Variants in CTTNBP2 observed in about 807,000 individuals in gnomAD.
The protein encoded by CTTNBP2 is cortactin-binding protein 2.
Under a neutral mutation model 156.9 loss-of-function variants are expected in CTTNBP2, and 108 were observed. The observed-to-expected ratio is 0.69, with a 90% CI of 0.59 to 0.81. The LOEUF is 0.81. Among genes scored for constraint, CTTNBP2 ranks in the 30% least tolerant of loss-of-function variants. CTTNBP2 has a pLI of 0.00. For synonymous variants in CTTNBP2, 767 were observed against 751.8 expected (o/e 1.02, Z -0.33); for missense variants, 1,924 against 2,035.4 (o/e 0.95, Z 1.05).
Position 117,791,604 on chromosome 7 carries a change from G to A in CTTNBP2, c.1592C>T (p.Thr531Ile), listed in dbSNP as rs560866248. Reference protein sequence around the residue: ...HPPVGRTSLKTHGVARVDRGN... With the variant: ...HPPVGRTSLKIHGVARVDRGN... ...TCTGTCAACTCGTGCTACACCATGA[G>A]TCTTTAAACTGGTCCGACCAACTGG... The change falls in exon 4 of 23, where the codon ACT (threonine) becomes ATT (isoleucine). Residue 531 changes from threonine (T) to isoleucine (I), a missense_variant. Transcript: ENST00000160373. 2.5e-5 allele frequency: 41 copies of A among 1,614,166 alleles called. No homozygotes were observed. In the South Asian group the frequency reaches 4.4e-4, roughly 17 times the overall value.
intron 3 of CTTNBP2, among the ~76,000 whole-genome samples, chr7:117,797,345 T>C (rs1799373176): frequency 2.6e-5 from 4 of 152,186 alleles, no homozygotes; most frequent in Admixed American, 2.0e-4. Context: ...TAGAACAAAG[T>C]ACAGCTCTTC....
At chr7:117,835,202 T>C (rs1483927600) in intron 2 of CTTNBP2, among the ~76,000 whole-genome samples, 2 of 152,216 alleles carry the variant, frequency 1.3e-5, no homozygotes, top group African/African-American at 4.8e-5. Flanking sequence ...GGAATGAGTC[T>C]CTCTCTGAGC....
intron 2 of CTTNBP2, among the ~76,000 whole-genome samples, chr7:117,811,447 C>T (rs1422059717): frequency 1.3e-5 from 2 of 152,044 alleles, no homozygotes; most frequent in Non-Finnish European, 2.9e-5. Context: ...ACTATAGGTG[C>T]ATGCCACCAC....
chr7:117,761,080 T>A (rs1797188718), intron 9 of CTTNBP2, among the ~76,000 whole-genome samples: 1 of 152,188 alleles, frequency 6.6e-6, no homozygotes, highest in African/African-American at 2.4e-5. Flanking sequence ...ATGTCATGGA[T>A]GAGGCAGGTT....
chr7:117,816,647 C>G (rs1584480340), intron 2 of CTTNBP2, among the ~76,000 whole-genome samples: 1 of 152,154 alleles, frequency 6.6e-6, no homozygotes, highest in East Asian at 1.9e-4. Flanking sequence ...TTCAGTTTAC[C>G]TGCTTTTCAA....
chr7:117,720,369 A>G (rs1022005436), intron 20 of CTTNBP2, among the ~76,000 whole-genome samples: 1 of 152,212 alleles, frequency 6.6e-6, no homozygotes, highest in African/African-American at 2.4e-5. Flanking sequence ...GTAAGCTGAA[A>G]TAGTCTATTT....
intron 22 of CTTNBP2, among the ~76,000 whole-genome samples, chr7:117,712,600 T>C (rs767441434): frequency 2.6e-5 from 4 of 152,176 alleles, no homozygotes; most frequent in African/African-American, 4.8e-5. Context: ...TCTTCAAAAG[T>C]AATAATGCAC....
intron 4 of CTTNBP2, among the ~76,000 whole-genome samples, chr7:117,785,711 T>G (rs2116826262): frequency 6.6e-6 from 1 of 152,338 alleles, no homozygotes; most frequent in Middle Eastern, 3.4e-3. Context: ...ACCATTTGGA[T>G]TTTTAAAATG....
At chr7:117,802,536 T>C (rs919259392) in intron 3 of CTTNBP2, among the ~76,000 whole-genome samples, 6 of 150,634 alleles carry the variant, frequency 4.0e-5, no homozygotes, top group Non-Finnish European at 8.9e-5. Context: ...ATACAAATTG[T>C]TAAATGGGAC....
intron 5 of CTTNBP2, 40 bp downstream of exon 5, chr7:117,784,210 TC>T (rs1434198745): frequency 2.8e-6 from 4 of 1,450,836 alleles, no homozygotes; most frequent in Non-Finnish European, 3.7e-6. Flanking sequence ...TGACTTTCCA[TC>T]CTTTTGCAAG....
intron 9 of CTTNBP2, among the ~76,000 whole-genome samples, chr7:117,766,113 CAG>C (rs1797471088): frequency 6.6e-6 from 1 of 152,206 alleles, no homozygotes; most frequent in East Asian, 1.9e-4. Context: ...TTTAGCTCAA[CAG>C]AAAGTGTTCC....
chr7:117,713,510 G>C (rs952381104), intron 22 of CTTNBP2, among the ~76,000 whole-genome samples: 1 of 152,120 alleles, frequency 6.6e-6, no homozygotes, highest in African/African-American at 2.4e-5. Context: ...GTTATCTTTA[G>C]CAGCTGCCTT....
At chr7:117,835,383 A>C (rs1310411723) in intron 2 of CTTNBP2, among the ~76,000 whole-genome samples, 1 of 152,256 alleles carries the variant, frequency 6.6e-6, no homozygotes, top group African/African-American at 2.4e-5. Flanking sequence ...GTGTAAACAG[A>C]CTGGAACCTA....
chr7:117,711,356 A>T lies in CTTNBP2; in HGVS notation c.*181T>A. 1.6e-6 allele frequency: 1 copy of T among 639,434 alleles called. No homozygotes were observed. The highest frequency in any genetic ancestry group is 2.5e-6 in the Non-Finnish European group (1 of 402,560). 39.6% of individuals were successfully genotyped at this position (639,434 alleles called of 1,614,324 possible). ...AGTTCAATCCTACAGAATTAAAAAA[A>T]AAAGCAACAAAATGTTGGTTATAAA... On this transcript the variant is annotated 3_prime_UTR_variant, in exon 23 of 23. Transcript: ENST00000160373.
chr7:117,769,058 C>G (rs1797671007), intron 8 of CTTNBP2, among the ~76,000 whole-genome samples: 1 of 152,178 alleles, frequency 6.6e-6, no homozygotes, highest in Non-Finnish European at 1.5e-5. Context: ...TATAGCAGAG[C>G]TGGACTGCTG....
Position 117,859,275 on chromosome 7 carries a change from A to G in CTTNBP2, c.189+1934T>C, listed in dbSNP as rs144454598. 2.0e-4 allele frequency among the ~76,000 whole-genome samples: 30 copies of G among 152,344 alleles called. No homozygotes were observed. In the East Asian group the frequency reaches 5.4e-3, roughly 27 times the overall value. On this transcript the variant is annotated intron_variant, in intron 2 of 22. Coordinates refer to ENST00000160373, the MANE Select transcript of CTTNBP2 (RefSeq NM_033427.3). ...TGTAATTCTAACATTCCTTGACTCT[A>G]TGAAAAATGTTCATTCGGCAAGTGC...
intron 3 of CTTNBP2, among the ~76,000 whole-genome samples, chr7:117,802,102 A>C (rs541846197): frequency 0.11 from 13,731 of 126,142 alleles, 987 homozygotes; most frequent in African/African-American, 0.22. Context: ...ATTCCCCTTC[A>C]TGTGTCCATG....
intron 22 of CTTNBP2, among the ~76,000 whole-genome samples, chr7:117,716,816 C>A (rs145295908): frequency 5.9e-5 from 9 of 152,306 alleles, no homozygotes; most frequent in Middle Eastern, 3.4e-3. Flanking sequence ...CATAGTTCCA[C>A]ATGTAATAGC....
chr7:117,788,468 C>CA lies in CTTNBP2; in HGVS notation c.2068+2659dup, dbSNP rs1563007002. Among the ~76,000 whole-genome samples, 5 of 152,256 alleles carry CA rather than the reference C, an allele frequency of 3.3e-5. No homozygotes were observed. In the South Asian group the frequency reaches 8.3e-4, roughly 25 times the overall value. On this transcript the variant is annotated intron_variant, in intron 4 of 22. Coordinates refer to ENST00000160373, the MANE Select transcript of CTTNBP2 (RefSeq NM_033427.3). ...TGTTGTCCCTGTGCCTTGCTTTGGG[C>CA]AATCACAATGGAATCAGTGGCTGTT...
Sources: allele counts gnomAD v4.1 joint callset (sites outside exome capture counted in the v4.1 genomes callset), GRCh38; gene constraint gnomAD v4.1.1; transcripts MANE v1.5; gene names NCBI Gene and HGNC (gene_info 2026-07-23, HGNC 2026-07-21).